CCDC3: variants seen among roughly 807,000 people sequenced by gnomAD.
CCDC3 encodes coiled-coil domain-containing protein 3.
Under a neutral mutation model 21.4 loss-of-function variants are expected in CCDC3, and 24 were observed. The ratio of observed to expected loss-of-function variants is 1.12; its 90% CI spans 0.81 to 1.58. The LOEUF is 1.58. Ranked by LOEUF, CCDC3 falls within the 40% of genes most tolerant of loss-of-function variation. The pLI is 0.00. For missense variants in CCDC3, 425 were observed against 360.9 expected, an observed-to-expected ratio of 1.18 and a Z score of -1.44; for synonymous variants, 186 against 166.0, an observed-to-expected ratio of 1.12 and a Z score of -0.93.
intron 2 of CCDC3, among the ~76,000 whole-genome samples, chr10:12,948,491 AC>A (rs1834955858): frequency 6.7e-6 from 1 of 148,486 alleles, no homozygotes; most frequent in African/African-American, 2.5e-5. Context: ...ACACACACAC[AC>A]ACGGGAGGGG....
At chr10:12,988,187 C>A (rs1397346442) in intron 2 of CCDC3, among the ~76,000 whole-genome samples, 1 of 152,180 alleles carries the variant, frequency 6.6e-6, no homozygotes, top group African/African-American at 2.4e-5. Flanking sequence ...TATTTTTCCA[C>A]CCCTCGAGAA....
intron 2 of CCDC3, among the ~76,000 whole-genome samples, chr10:12,940,780 C>G (rs868486321): frequency 2.1e-4 from 32 of 152,296 alleles, no homozygotes; most frequent in African/African-American, 7.2e-4. Context: ...CCTAACCCTC[C>G]ATGTTCCAAG....
chr10:13,092,563 T>G (rs535152306), intron 3 of CCDC3, among the ~76,000 whole-genome samples: 4 of 152,232 alleles, frequency 2.6e-5, no homozygotes, highest in Non-Finnish European at 5.9e-5. Context: ...TTGGTAAGAA[T>G]TGCTTTCTGT....
chr10:13,000,489 C>T (rs971187771), intron 1 of CCDC3, among the ~76,000 whole-genome samples: 22 of 152,276 alleles, frequency 1.4e-4, no homozygotes, highest in Middle Eastern at 6.8e-3. Flanking sequence ...CTCTCCACTC[C>T]TCAAAGCATT....
At chr10:13,098,734 T>TTTTTTTTA (rs869089412) in intron 2 of CCDC3, 1 of 86,284 alleles carries the variant, frequency 1.2e-5, no homozygotes, top group Admixed American at 1.2e-4. Flanking sequence ...TTTTTTTTTT[T>TTTTTTTTA]GAGACGGAGT....
chr10:12,967,940 G>A (rs1485787227), intron 2 of CCDC3, among the ~76,000 whole-genome samples: 8 of 152,188 alleles, frequency 5.3e-5, no homozygotes, highest in Admixed American at 5.2e-4. Context: ...GGAGGCCGAG[G>A]CGGGCAGATC....
chr10:13,074,606 A>AT (rs1418930740), intron 3 of CCDC3, among the ~76,000 whole-genome samples: 2 of 149,858 alleles, frequency 1.3e-5, no homozygotes, highest in Admixed American at 1.3e-4. Flanking sequence ...GCTTTTATAG[A>AT]TTTTTCTACA....
intron 2 of CCDC3, among the ~76,000 whole-genome samples, chr10:12,990,148 T>C (rs1835659534): frequency 6.6e-6 from 1 of 151,618 alleles, no homozygotes; most frequent in Non-Finnish European, 1.5e-5. Flanking sequence ...GCTACAGGCC[T>C]CGGGAGGCTG....
intron 2 of CCDC3, among the ~76,000 whole-genome samples, chr10:12,955,215 A>G (rs923611756): frequency 6.6e-6 from 1 of 152,240 alleles, no homozygotes; most frequent in East Asian, 1.9e-4. Context: ...TTCCTTAAAG[A>G]AGTAAAGATC....
At chr10:13,025,740 T>A (rs1286747052) in intron 5 of CCDC3, among the ~76,000 whole-genome samples, 1 of 152,232 alleles carries the variant, frequency 6.6e-6, no homozygotes, top group Non-Finnish European at 1.5e-5. Flanking sequence ...TTCACTTAGC[T>A]TTTGTAACTT....
intron 2 of CCDC3, among the ~76,000 whole-genome samples, chr10:12,981,626 C>T (rs909047678): frequency 1.3e-5 from 2 of 152,146 alleles, no homozygotes; most frequent in Admixed American, 6.5e-5. Flanking sequence ...CCTCTTCAAC[C>T]AGGCAGGGTG....
At chr10:13,016,608 C>G (rs1349016911) in intron 5 of CCDC3, among the ~76,000 whole-genome samples, 1 of 151,882 alleles carries the variant, frequency 6.6e-6, no homozygotes, top group East Asian at 1.9e-4. Flanking sequence ...AATCCCTTCC[C>G]CCGGGGTCAC....
At chr10:13,042,768 G>T (rs1226531365) in intron 5 of CCDC3, among the ~76,000 whole-genome samples, 3 of 151,928 alleles carry the variant, frequency 2.0e-5, no homozygotes, top group African/African-American at 7.3e-5. Context: ...AATTAGCCGG[G>T]TGTGGTGGCG....
chr10:13,034,667 C>G (rs1480520817), intron 5 of CCDC3, among the ~76,000 whole-genome samples: 1 of 151,918 alleles, frequency 6.6e-6, no homozygotes, highest in African/African-American at 2.4e-5. Flanking sequence ...AACTATTATT[C>G]CTGTAATAAA....
chr10:12,934,806 T>C (rs1257059015), intron 2 of CCDC3, among the ~76,000 whole-genome samples: 1 of 151,514 alleles, frequency 6.6e-6, no homozygotes, highest in Non-Finnish European at 1.5e-5. Context: ...TCTGCGTCCC[T>C]TTATCTATTT....
At position 12,998,377 on chromosome 10, in the gene CCDC3, C is replaced by T. The variant is rs558363772; in HGVS notation, c.510G>A (p.Ala170=). 80 of 1,614,080 alleles carry T rather than the reference C, an allele frequency of 5.0e-5. No homozygotes were observed. The South Asian group carries it at 6.0e-4, about 12-fold the overall frequency. Residue 170 remains alanine, a synonymous_variant, in exon 2 of 3, where the codon GCG becomes GCA. Coordinates refer to ENST00000378825, the MANE Select transcript of CCDC3 (RefSeq NM_031455.4). ...FSNCSQGQQL[A]TFSSDWEIQE... is the part of the protein sequence containing the mutation. ...GGATTTCCCAGTCACTGGAGAAAGTCGCCAGCTGCTGCCCTTGCGAACAGT... is the reference window on the plus strand; with the variant it reads ...GGATTTCCCAGTCACTGGAGAAAGTTGCCAGCTGCTGCCCTTGCGAACAGT...
At chr10:13,050,791 GT>G (rs1412556740) in intron 4 of CCDC3, among the ~76,000 whole-genome samples, 2 of 151,678 alleles carry the variant, frequency 1.3e-5, no homozygotes, top group Non-Finnish European at 2.9e-5. Context: ...GTTTTAGTTT[GT>G]TTTTTATTTT....
At chr10:12,976,038 C>T (rs1023069825) in intron 2 of CCDC3, among the ~76,000 whole-genome samples, 6 of 152,154 alleles carry the variant, frequency 3.9e-5, no homozygotes, top group South Asian at 2.1e-4. Context: ...CTCTCCTGAT[C>T]GGACCCACAC....
chr10:12,917,405 C>T (rs1834377629), intron 2 of CCDC3, among the ~76,000 whole-genome samples: 2 of 151,822 alleles, frequency 1.3e-5, no homozygotes, highest in Non-Finnish European at 2.9e-5. Context: ...ACCGTGTTAG[C>T]CAGGATGGTC....
Sources: allele counts gnomAD v4.1 joint callset (sites outside exome capture counted in the v4.1 genomes callset), GRCh38; gene constraint gnomAD v4.1.1; transcripts MANE v1.5; gene names NCBI Gene and HGNC (gene_info 2026-07-23, HGNC 2026-07-21).